The following THEM4 variants were observed in gnomAD, a reference collection of about 807,000 sequenced individuals.
THEM4 encodes the protein thioesterase superfamily member 4.
In THEM4, 22 loss-of-function variants were observed where a neutral mutation model predicts 25.0. That is an observed-to-expected ratio of 0.88 (90% confidence interval 0.63 to 1.26). The LOEUF is 1.26. Among genes scored for constraint, THEM4 ranks in the 50% most tolerant of loss-of-function variants. The probability of loss-of-function intolerance (pLI) is 0.00; values close to 1 mark genes in which losing one functional copy is unlikely to be tolerated. For missense variants in THEM4, 286 were observed against 300.3 expected (o/e 0.95, Z 0.35); for synonymous variants, 113 against 105.6 (o/e 1.07, Z -0.43).
chr1:151,881,001 T>TAA (rs1447259728), intron 4 of THEM4, among the ~76,000 whole-genome samples: 25 of 152,192 alleles, frequency 1.6e-4, no homozygotes, highest in African/African-American at 6.0e-4. Flanking sequence ...TTGTTTTAGA[T>TAA]ATTAGTTATA....
chr1:151,882,991 T>C (rs1479722224), intron 4 of THEM4, among the ~76,000 whole-genome samples: 1 of 151,342 alleles, frequency 6.6e-6, no homozygotes, highest in Non-Finnish European at 1.5e-5. Flanking sequence ...AGACTTACAA[T>C]CACGGCAAAG....
chr1:151,897,908 A>AC (rs1553301049), intron 1 of THEM4, among the ~76,000 whole-genome samples: 1 of 152,008 alleles, frequency 6.6e-6, no homozygotes, highest in Non-Finnish European at 1.5e-5. Context: ...AGCGAAATAC[A>AC]GGGTAAGGGA....
chr1:151,891,446 A>G (rs572961093), intron 2 of THEM4: 1 of 152,330 alleles, frequency 6.6e-6, no homozygotes, highest in African/African-American at 2.4e-5. Flanking sequence ...CAAAGTAAAG[A>G]TGGCAGATGG....
intron 5 of THEM4, among the ~76,000 whole-genome samples, chr1:151,876,153 A>G (rs1303609609): frequency 6.6e-6 from 1 of 152,228 alleles, no homozygotes; most frequent in Non-Finnish European, 1.5e-5. Context: ...GACAGTCTAC[A>G]CACACATAAA....
intron 1 of THEM4, among the ~76,000 whole-genome samples, chr1:151,902,993 CA>C (rs1654383753): frequency 6.6e-6 from 1 of 151,886 alleles, no homozygotes; most frequent in African/African-American, 2.4e-5. Context: ...GTCTCAAAAA[CA>C]AACAAACAAA....
At chr1:151,902,119 T>C (rs969760432) in intron 1 of THEM4, among the ~76,000 whole-genome samples, 3 of 151,948 alleles carry the variant, frequency 2.0e-5, no homozygotes, top group African/African-American at 7.3e-5. Context: ...ATAAAAAAAC[T>C]CAAAAAACAG....
intron 2 of THEM4, chr1:151,890,460 C>T (rs1468235536): frequency 1.5e-5 from 3 of 196,634 alleles, no homozygotes; most frequent in Non-Finnish European, 3.3e-5. Context: ...TTTCATAGCT[C>T]ATCATGATTT....
At chr1:151,875,015 G>C (rs1653643674) in intron 5 of THEM4, 87 bp from the exon 6 acceptor site, 1 of 1,073,448 alleles carries the variant, frequency 9.3e-7, no homozygotes, top group Admixed American at 1.7e-5. Context: ...ATATACAAAA[G>C]AAGGATTTGA....
chr1:151,875,500 G>A (rs1653651837), intron 5 of THEM4, among the ~76,000 whole-genome samples: 1 of 152,120 alleles, frequency 6.6e-6, no homozygotes, highest in East Asian at 1.9e-4. Flanking sequence ...CTTACACACT[G>A]TAAGGAGGTA....
intron 4 of THEM4, among the ~76,000 whole-genome samples, chr1:151,879,654 CTTTTCTTTTT>C (rs1245598045): frequency 6.9e-6 from 1 of 145,682 alleles, no homozygotes; most frequent in Non-Finnish European, 1.5e-5. Context: ...TCTTTCTTTT[CTTTTCTTTTT>C]TTTTTTTTTT....
chr1:151,907,089 C>T (rs1050169729), intron 1 of THEM4, among the ~76,000 whole-genome samples: 13 of 152,090 alleles, frequency 8.5e-5, no homozygotes, highest in Non-Finnish European at 1.0e-4. Flanking sequence ...ACACTCACCG[C>T]GAAGGTCTGC....
rs905495639 is a variant in THEM4, at chr1:151,909,349, C to A, written c.99+11G>T. The stretch of plus-strand genomic sequence containing the variant: ...TGCTCCCGCCCCATGCCCGAGGGTG[C>A]CCAGACTCACCAGCTCGGGTCGCGG... On this transcript the variant is annotated intron_variant, in intron 1 of 5. Coordinates refer to ENST00000368814, the MANE Select transcript of THEM4 (RefSeq NM_053055.5). The A allele has an allele frequency of 1.3e-5, 20 of 1,514,526 alleles. No homozygotes were observed. Among genetic ancestry groups the A allele is most frequent in the Non-Finnish European group, 1.8e-5 (20 of 1,136,766 alleles). 93.8% of individuals were successfully genotyped at this position (1,514,526 alleles called of 1,614,324 possible).
At chr1:151,890,396 G>A (rs1215588540) in intron 2 of THEM4, 1 of 234,512 alleles carries the variant, frequency 4.3e-6, no homozygotes, top group East Asian at 1.1e-4. Context: ...TCAAGAAATA[G>A]TGCATTTATC....
intron 4 of THEM4, among the ~76,000 whole-genome samples, chr1:151,884,727 C>T (rs1193578852): frequency 2.8e-5 from 4 of 145,446 alleles, no homozygotes; most frequent in Non-Finnish European, 6.0e-5. Context: ...CTCACTCTGT[C>T]GCCCAGGCTG....
At chr1:151,906,078 C>A (rs1654455652) in intron 1 of THEM4, among the ~76,000 whole-genome samples, 1 of 152,242 alleles carries the variant, frequency 6.6e-6, no homozygotes, top group Non-Finnish European at 1.5e-5. Flanking sequence ...TGTGGGAGCG[C>A]CTTTCTGGGC....
At chr1:151,907,422 G>A (rs1654495211) in intron 1 of THEM4, among the ~76,000 whole-genome samples, 1 of 152,206 alleles carries the variant, frequency 6.6e-6, no homozygotes, top group African/African-American at 2.4e-5. Flanking sequence ...ACAATTTGAT[G>A]AATTAATTGC....
chr1:151,894,807 C>G lies in THEM4; in HGVS notation c.286+201G>C, dbSNP rs113613585. On this transcript the variant is annotated intron_variant, in intron 2 of 5. Coordinates refer to ENST00000368814, the MANE Select transcript of THEM4 (RefSeq NM_053055.5). ...GGTGATAAGAATGCCAGGGTGGGAG[C>G]AGTCTTATTCTTGACAATAGGCTTT... The G allele has an allele frequency of 6.0e-5, 38 of 634,850 alleles. No individual in the cohort carries two copies. In the African/African-American group the frequency reaches 6.3e-4, roughly 10 times the overall value. 39.3% of individuals were successfully genotyped at this position (634,850 alleles called of 1,614,324 possible). A position where few individuals can be genotyped will look rare whatever the true frequency, so the allele number is the denominator to read the frequency against.
At chr1:151,877,255 G>T in intron 4 of THEM4, 130 bp from the exon 5 acceptor site, 1 of 911,662 alleles carries the variant, frequency 1.1e-6, no homozygotes, top group Non-Finnish European at 1.6e-6. Context: ...GACTGCCTTA[G>T]ACAATACATT....
chr1:151,892,194 T>C (rs1465052965), intron 2 of THEM4, among the ~76,000 whole-genome samples: 4 of 151,894 alleles, frequency 2.6e-5, no homozygotes, highest in East Asian at 1.9e-4. Context: ...CGAATGAGGG[T>C]TGGATGAAGA....
Sources: gnomAD v4.1 joint callset for allele counts (sites outside exome capture counted in the v4.1 genomes callset) on GRCh38, gnomAD v4.1.1 for gene constraint, MANE v1.5 for transcripts, NCBI Gene and HGNC (gene_info 2026-07-23, HGNC 2026-07-21) for gene names.